Variants in PCDHGA3 observed in about 807,000 individuals in gnomAD.
PCDHGA3 encodes protocadherin gamma-A3.
PCDHGA3 carries 40 observed loss-of-function variants against 58.5 expected under a neutral mutation model. That is an observed-to-expected ratio of 0.68 (90% confidence interval 0.53 to 0.89). PCDHGA3 has a LOEUF of 0.89. Among genes scored for constraint, PCDHGA3 ranks in the 40% least tolerant of loss-of-function variants. The pLI is 0.00. For synonymous variants in PCDHGA3, 530 were observed against 525.7 expected, an observed-to-expected ratio of 1.01 and a Z score of -0.11; for missense variants, 1,223 against 1,195.9, an observed-to-expected ratio of 1.02 and a Z score of -0.33.
rs768938171 is a variant in PCDHGA3 at position 141,487,276 on chromosome 5, C to T, written c.2425-7531C>T. ...TGGCTGTGTCCCTAGTGGCAATTTG[C>T]TTTGTCTCCTTTGGCTCATTCGTGG... On this transcript the variant is annotated intron_variant, in intron 1 of 3. Transcript: ENST00000253812. The surrounding 1 kb of genome is among the most constrained non-coding windows in gnomAD (Gnocchi z 5.0). The T allele has an allele frequency of 2.5e-6, 4 of 1,614,158 alleles. No homozygotes were observed. The East Asian group carries it at 8.9e-5, about 36-fold the overall frequency.
rs773157241 is a variant in PCDHGA3, at chr5:141,370,760, G to A, written c.2424+24303G>A. 7 of 1,613,862 alleles carry A rather than the reference G, an allele frequency of 4.3e-6. No individual in the cohort carries two copies. The Admixed American group carries it at 1.2e-4, about 27-fold the overall frequency. On this transcript the variant is annotated intron_variant, in intron 1 of 3. Coordinates refer to ENST00000253812, the MANE Select transcript of PCDHGA3 (RefSeq NM_018916.4). ...TAAACTTTTTTCATGTAACTGTGCT[G>A]ATCCAGGATATTAACGACAACCCAC...
At chr5:141,365,431 G>T (rs1297210412) in intron 1 of PCDHGA3, 7 of 1,613,892 alleles carry the variant, frequency 4.3e-6, no homozygotes, top group African/African-American at 1.3e-5. Flanking sequence ...CTGTAATCGC[G>T]CTGTTTAGCG....
At chr5:141,400,756 C>G (rs1220648843) in intron 1 of PCDHGA3, 1 of 584,890 alleles carries the variant, frequency 1.7e-6, no homozygotes, top group African/African-American at 1.9e-5. Context: ...AGCTTCCTCT[C>G]TAGCAAAAAC....
At chr5:141,441,930 G>T in intron 1 of PCDHGA3, 1 of 347,232 alleles carries the variant, frequency 2.9e-6, no homozygotes, top group Non-Finnish European at 5.5e-6. Flanking sequence ...ATGCGTGGCT[G>T]TCCTACCACG....
At chr5:141,483,293 G>T (rs532959899) in intron 1 of PCDHGA3, among the ~76,000 whole-genome samples, 1 of 152,264 alleles carries the variant, frequency 6.6e-6, no homozygotes, top group Non-Finnish European at 1.5e-5. Flanking sequence ...TCAGTCATAA[G>T]TGAAGGGACT....
chr5:141,357,462 C>T (rs760328261), intron 1 of PCDHGA3: 7 of 1,614,072 alleles, frequency 4.3e-6, no homozygotes, highest in Middle Eastern at 1.7e-4. Flanking sequence ...AGACCTATTC[C>T]CACGAGGTCT....
At chr5:141,392,925 G>A (rs1230996735) in intron 1 of PCDHGA3, 22 of 1,613,946 alleles carry the variant, frequency 1.4e-5, no homozygotes, top group Non-Finnish European at 1.9e-5. Flanking sequence ...TGTGCCAGAA[G>A]AGACGGACAA....
intron 1 of PCDHGA3, among the ~76,000 whole-genome samples, chr5:141,368,024 A>G (rs948491194): frequency 6.6e-6 from 1 of 152,204 alleles, no homozygotes; most frequent in Admixed American, 6.5e-5. Context: ...TGTGCCTCAA[A>G]TTCCAGGAGG....
intron 1 of PCDHGA3, among the ~76,000 whole-genome samples, chr5:141,448,214 G>A (rs2098576063): frequency 6.6e-6 from 1 of 152,092 alleles, no homozygotes; most frequent in Non-Finnish European, 1.5e-5. Context: ...CTGTGTGTAT[G>A]CGAATGTATG....
chr5:141,449,588 C>CAAA (rs768743917), intron 1 of PCDHGA3, among the ~76,000 whole-genome samples: 1 of 57,476 alleles, frequency 1.7e-5, no homozygotes, highest in East Asian at 5.2e-4. Context: ...GACTCTGTCT[C>CAAA]AAAAAAAAAA....
intron 1 of PCDHGA3, chr5:141,408,923 G>C: frequency 6.2e-7 from 1 of 1,613,488 alleles, no homozygotes; most frequent in Non-Finnish European, 8.5e-7. Flanking sequence ...TAACCCCCCG[G>C]TTTTCAGCAG....
intron 1 of PCDHGA3, chr5:141,364,891 T>C: frequency 1.2e-6 from 2 of 1,613,950 alleles, no homozygotes; most frequent in Middle Eastern, 1.6e-4. Flanking sequence ...GCGGAACTGA[T>C]GGACAAAAGT....
chr5:141,469,296 A>T (rs2099196287), intron 1 of PCDHGA3, among the ~76,000 whole-genome samples: 1 of 149,742 alleles, frequency 6.7e-6, no homozygotes, highest in Non-Finnish European at 1.5e-5. Context: ...AACAAAATAG[A>T]CTGGGCACGA....
At position 141,375,721 on chromosome 5, in the gene PCDHGA3, G is replaced by C. The variant is rs1194190814; in HGVS notation, c.2424+29264G>C. The stretch of plus-strand genomic sequence containing the variant: ...GGGACCCGCCTCTTAGCAGCAACGT[G>C]TCACTGAGCCTGTTTGTGCTGGACC... On this transcript the variant is annotated intron_variant, in intron 1 of 3. Transcript: ENST00000253812. The C allele has an allele frequency of 2.5e-6, 4 of 1,614,148 alleles. No homozygotes were observed. In the African/African-American group the frequency reaches 4.0e-5, roughly 16 times the overall value.
chr5:141,510,814 CT>C, intron 3 of PCDHGA3, 132 bp from the exon 4 acceptor site: 1 of 1,544,688 alleles, frequency 6.5e-7, no homozygotes, highest in Non-Finnish European at 8.8e-7. Context: ...TTGGTGACCC[CT>C]ATATTCCCAG....
intron 1 of PCDHGA3, among the ~76,000 whole-genome samples, chr5:141,433,680 A>G (rs570459317): frequency 1.3e-5 from 2 of 152,236 alleles, no homozygotes; most frequent in African/African-American, 4.8e-5. Context: ...TACTAAAAAA[A>G]TACAAAATTA....
intron 1 of PCDHGA3, among the ~76,000 whole-genome samples, chr5:141,474,464 T>C (rs373468290): frequency 6.6e-6 from 1 of 152,252 alleles, no homozygotes; most frequent in African/African-American, 2.4e-5. Context: ...CTATACTCTT[T>C]ATTCTAAATT....
chr5:141,394,432 C>T (rs1561648568), intron 1 of PCDHGA3: 2 of 1,614,238 alleles, frequency 1.2e-6, no homozygotes, highest in Admixed American at 1.7e-5. Flanking sequence ...AGCGGGGACC[C>T]GCCCCTCAGC....
intron 1 of PCDHGA3, chr5:141,398,768 C>T (rs1177677138): frequency 6.2e-6 from 10 of 1,613,946 alleles, no homozygotes; most frequent in South Asian, 1.1e-5. Context: ...GTCCTGACTG[C>T]CTTGGACGGT....
Sources: gnomAD v4.1 joint callset for allele counts (sites outside exome capture counted in the v4.1 genomes callset) on GRCh38, gnomAD v4.1.1 for gene constraint, Gnocchi (gnomAD v3.1) non-coding constraint, MANE v1.5 for transcripts, NCBI Gene and HGNC (gene_info 2026-07-23, HGNC 2026-07-21) for gene names.